The following ANKRD44 variants were observed in gnomAD, a reference collection of about 807,000 sequenced individuals.
ANKRD44 encodes the protein ankyrin repeat domain 44.
Under a neutral mutation model 116.0 loss-of-function variants are expected in ANKRD44, and 35 were observed. That is an observed-to-expected ratio of 0.30 (90% CI 0.23 to 0.40). ANKRD44 has a LOEUF of 0.40. Among genes scored for constraint, ANKRD44 ranks in the 10% least tolerant of loss-of-function variants. ANKRD44 has a pLI of 1.00. For missense variants in ANKRD44, 1,014 were observed against 1,242.6 expected, an observed-to-expected ratio of 0.82 and a Z score of 2.77; for synonymous variants, 435 against 461.8, an observed-to-expected ratio of 0.94 and a Z score of 0.74.
chr2:197,153,266 G>T (rs12994763), intron 2 of ANKRD44, among the ~76,000 whole-genome samples: 1 of 137,246 alleles, frequency 7.3e-6, no homozygotes, highest in Admixed American at 7.5e-5. Flanking sequence ...AAGAAGAAGA[G>T]GAAGAAGAGG....
chr2:197,117,929 C>G (rs1399354990), intron 8 of ANKRD44, among the ~76,000 whole-genome samples: 2 of 152,034 alleles, frequency 1.3e-5, no homozygotes, highest in Non-Finnish European at 2.9e-5. Context: ...ATAACATGCT[C>G]TGCCAGGTGC....
intron 1 of ANKRD44, among the ~76,000 whole-genome samples, chr2:197,306,290 G>A (rs2084072757): frequency 6.6e-6 from 1 of 152,142 alleles, no homozygotes; most frequent in Non-Finnish European, 1.5e-5. Flanking sequence ...TGCCAGGGTA[G>A]GACAGTGTGC....
At chr2:197,226,265 C>G (rs188542617) in intron 1 of ANKRD44, among the ~76,000 whole-genome samples, 1 of 152,226 alleles carries the variant, frequency 6.6e-6, no homozygotes, top group African/African-American at 2.4e-5. Context: ...CCTGGACAGG[C>G]TTTGGGAATA....
chr2:196,973,821 C>G (rs2075736660), intron 21 of ANKRD44, among the ~76,000 whole-genome samples: 1 of 152,082 alleles, frequency 6.6e-6, no homozygotes, highest in African/African-American at 2.4e-5. Context: ...CATTCTATTG[C>G]CATAATTTAT....
chr2:197,131,669 T>C (rs564806565), intron 4 of ANKRD44, among the ~76,000 whole-genome samples: 185 of 152,318 alleles, frequency 1.2e-3, no homozygotes, highest in Middle Eastern at 3.4e-3. Context: ...CAACTGGTTA[T>C]AGCAGAAAGG....
intron 16 of ANKRD44, among the ~76,000 whole-genome samples, chr2:197,059,074 T>A (rs952077391): frequency 6.6e-6 from 1 of 152,160 alleles, no homozygotes; most frequent in African/African-American, 2.4e-5. Context: ...TATATTATCA[T>A]GGTGGTAATT....
At position 197,086,695 on chromosome 2, in the gene ANKRD44, T is replaced by C; in HGVS notation, c.1301A>G (p.Lys434Arg). 6.2e-7 allele frequency: 1 copy of C among 1,613,862 alleles called. No homozygotes were observed. The highest frequency in any genetic ancestry group is 8.5e-7 in the Non-Finnish European group (1 of 1,179,786). ...LQSSGADFHK[K>R]DKCGRTPLHY... Reference sequence around the variant, plus strand: ...GATTACATACCTCCCACACTTGTCCTTTTTATGGAAATCTGCTCCGCTGCT... The same window carrying C: ...GATTACATACCTCCCACACTTGTCCCTTTTATGGAAATCTGCTCCGCTGCT... The change falls in exon 13 of 28, where the codon AAG (lysine) becomes AGG (arginine). Residue 434 changes from lysine (K) to arginine (R), a missense_variant. Physicochemically the swap from Lys to Arg is conservative, Grantham distance 26. Coordinates refer to ENST00000282272, the MANE Select transcript of ANKRD44 (RefSeq NM_001195144.2).
At chr2:197,202,629 G>A (rs1378839566) in intron 1 of ANKRD44, among the ~76,000 whole-genome samples, 1 of 147,086 alleles carries the variant, frequency 6.8e-6, no homozygotes, top group Admixed American at 6.6e-5. Flanking sequence ...CTGGAGTGCA[G>A]TGGCATAACC....
At chr2:197,071,970 TG>T (rs911160560) in intron 16 of ANKRD44, among the ~76,000 whole-genome samples, 15 of 152,008 alleles carry the variant, frequency 9.9e-5, no homozygotes, top group Non-Finnish European at 4.4e-5. Flanking sequence ...CAGTGCCAAC[TG>T]GGCTGCCTTC....
At chr2:196,975,462 C>T (rs562636106) in intron 21 of ANKRD44, among the ~76,000 whole-genome samples, 10 of 152,062 alleles carry the variant, frequency 6.6e-5, no homozygotes, top group African/African-American at 1.4e-4. Context: ...TTGAGGCCAG[C>T]GTTACCATCA....
intron 16 of ANKRD44, among the ~76,000 whole-genome samples, chr2:197,043,185 GT>G (rs1225099266): frequency 6.6e-6 from 1 of 152,188 alleles, no homozygotes; most frequent in East Asian, 1.9e-4. Context: ...CTAAAATTAA[GT>G]TTTTGTAGTA....
intron 1 of ANKRD44, among the ~76,000 whole-genome samples, chr2:197,292,644 G>A (rs907994641): frequency 6.6e-6 from 1 of 152,158 alleles, no homozygotes; most frequent in Non-Finnish European, 1.5e-5. Flanking sequence ...GGAATACATA[G>A]CGTATAAAAA....
rs140118477 is a variant in ANKRD44, at chr2:197,063,529, C to T, written c.1650+15174G>A. On this transcript the variant is annotated intron_variant, in intron 16 of 27. Transcript: ENST00000282272. ...CCAGCTAAAGGAGGAAGTTCGAACC[C>T]ATCGCAAAGAAGCTAAAAACCTTGA... Among the ~76,000 whole-genome samples, 412 of 152,222 alleles carry T rather than the reference C, an allele frequency of 2.7e-3. 1 individual carries two copies. The highest frequency in any genetic ancestry group is 9.5e-3 in the African/African-American group (393 of 41,536).
At chr2:196,998,456 G>A in intron 24 of ANKRD44, 37 bp from the exon 25 acceptor site, 1 of 1,457,922 alleles carries the variant, frequency 6.9e-7, no homozygotes, top group Non-Finnish European at 9.6e-7. Context: ...ACTTAGATGA[G>A]ATGCTAATTA....
intron 1 of ANKRD44, among the ~76,000 whole-genome samples, chr2:197,220,110 A>T (rs1209648351): frequency 6.6e-6 from 1 of 152,234 alleles, no homozygotes; most frequent in Non-Finnish European, 1.5e-5. Context: ...ACAAGAATGA[A>T]AGTGTACAAT....
intron 16 of ANKRD44, among the ~76,000 whole-genome samples, chr2:197,064,515 T>C (rs1439891566): frequency 1.3e-5 from 2 of 152,122 alleles, no homozygotes; most frequent in Admixed American, 1.3e-4. Flanking sequence ...GCAAATTGGA[T>C]AAAGAGTCAA....
chr2:197,083,441 G>A lies in ANKRD44; in HGVS notation c.1385C>T (p.Ala462Val). 1 of 1,613,938 alleles carries A rather than the reference G, an allele frequency of 6.2e-7. No individual in the cohort carries two copies. Among genetic ancestry groups the A allele is most frequent in the Non-Finnish European group, 8.5e-7 (1 of 1,179,908 alleles). Residue 462 changes from alanine (A) to valine (V), a missense_variant, in exon 14 of 28, where the codon GCC (alanine) becomes GTC (valine). Ala to Val is a moderately conservative substitution (Grantham distance 64). Coordinates refer to ENST00000282272, the MANE Select transcript of ANKRD44 (RefSeq NM_001195144.2). ...CCAGTCATCTGTTTCATTAACGTTG[G>A]CCCCTGTGGTCACTAATGTCTCAAT... ...HCIETLVTTG[A>V]NVNETDDWGR... is the part of the protein sequence containing the mutation.
intron 5 of ANKRD44, 27 bp from the exon 6 acceptor site, chr2:197,125,495 A>G (rs1188427287): frequency 1.9e-6 from 3 of 1,600,552 alleles, no homozygotes; most frequent in Non-Finnish European, 2.6e-6. Context: ...AATGAAATCA[A>G]GCATACATTC....
chr2:197,260,920 G>T, intron 1 of ANKRD44, among the ~76,000 whole-genome samples: 1 of 120,092 alleles, frequency 8.3e-6, no homozygotes, highest in Non-Finnish European at 1.7e-5. Flanking sequence ...TTTTTGATGG[G>T]GTTGTTTGTT....
Sources: gnomAD v4.1 joint callset for allele counts (sites outside exome capture counted in the v4.1 genomes callset) on GRCh38, gnomAD v4.1.1 for gene constraint, MANE v1.5 for transcripts, NCBI Gene and HGNC (gene_info 2026-07-23, HGNC 2026-07-21) for gene names.